The following INTS6L variants were observed in gnomAD, a reference collection of about 807,000 sequenced individuals.
INTS6L encodes the protein integrator complex subunit 6 like.
In INTS6L, 18 loss-of-function variants were observed where a neutral mutation model predicts 64.7. The ratio of observed to expected loss-of-function variants is 0.28; its 90% CI spans 0.19 to 0.41. The LOEUF (loss-of-function observed/expected upper bound fraction) is 0.41, where lower values mean the gene tolerates loss of function less well. Among genes scored for constraint, INTS6L ranks in the 10% least tolerant of loss-of-function variants. The probability of loss-of-function intolerance (pLI) is 1.00; values close to 1 mark genes in which losing one functional copy is unlikely to be tolerated. For missense variants in INTS6L, 533 were observed against 661.0 expected, an observed-to-expected ratio of 0.81 and a Z score of 2.12; for synonymous variants, 227 against 235.9, an observed-to-expected ratio of 0.96 and a Z score of 0.34.
chrX:135,562,352 G>GA (rs1299460219), intron 9 of INTS6L, among the ~76,000 whole-genome samples: 1 of 111,926 alleles, frequency 8.9e-6, no homozygotes, highest in African/African-American at 3.2e-5. Context: ...ATTCCATCGT[G>GA]GTCAGAGGAC....
chrX:135,574,160 G>T, intron 13 of INTS6L, 98 bp downstream of exon 13: 2 of 886,183 alleles, frequency 2.3e-6, no homozygotes, highest in Non-Finnish European at 3.0e-6. Context: ...CTATTTTATA[G>T]TATTTTAATG....
intron 2 of INTS6L, among the ~76,000 whole-genome samples, chrX:135,542,252 C>G (rs1339588953): frequency 8.9e-6 from 1 of 111,808 alleles, no homozygotes; most frequent in African/African-American, 3.3e-5. Flanking sequence ...AATCACAGCA[C>G]TTTAGGAGGC....
At chrX:135,533,102 AAAAAAC>A (rs2085952143) in intron 2 of INTS6L, among the ~76,000 whole-genome samples, 1 of 106,871 alleles carries the variant, frequency 9.4e-6, no homozygotes, top group African/African-American at 3.6e-5. Context: ...AACAAAAACA[AAAAAAC>A]AACTTTTAAA....
intron 9 of INTS6L, among the ~76,000 whole-genome samples, chrX:135,564,748 A>G (rs2086892154): frequency 1.0e-5 from 1 of 95,418 alleles, no homozygotes; most frequent in Admixed American, 1.1e-4. Context: ...AAAAAAAATT[A>G]ATTTTGAGAT....
intron 9 of INTS6L, among the ~76,000 whole-genome samples, chrX:135,558,488 A>G (rs1439786094): frequency 1.8e-5 from 2 of 112,232 alleles, no homozygotes; most frequent in East Asian, 2.8e-4. Flanking sequence ...ATGCTACAAT[A>G]TGGATGAACC....
Position 135,581,911 on chromosome X carries a change from C to G in INTS6L, c.*275C>G. The stretch of plus-strand genomic sequence containing the variant: ...GCTAAATTCGGTAAACACCACTGCC[C>G]CTACCACGGGTAATGAGAGGTCACT... On this transcript the variant is annotated 3_prime_UTR_variant, in exon 18 of 18. Coordinates refer to ENST00000639893, the MANE Select transcript of INTS6L (RefSeq NM_001351601.3). 1 of 246,997 alleles carries G rather than the reference C, an allele frequency of 4.0e-6. No individual in the cohort carries two copies. The highest frequency in any genetic ancestry group is 1.0e-4 in the East Asian group (1 of 9,577). The allele number at this position is 246,997 out of a possible 1,213,427, so 20.4% of individuals were successfully genotyped here. A position where few individuals can be genotyped will look rare whatever the true frequency, so the allele number is the denominator to read the frequency against.
chrX:135,545,709 A>T (rs1473951895), intron 3 of INTS6L, 137 bp downstream of exon 3: 1 of 613,124 alleles, frequency 1.6e-6, no homozygotes, highest in East Asian at 3.9e-5. Context: ...TTTTAAATAT[A>T]TACTTTTTAA....
chrX:135,569,518 T>TG, intron 10 of INTS6L, 87 bp downstream of exon 10: 1 of 526,092 alleles, frequency 1.9e-6, no homozygotes, highest in Admixed American at 4.1e-5. Flanking sequence ...CTTTTACTGT[T>TG]GCAATAAGAG....
At position 135,581,676 on chromosome X, in the gene INTS6L, C is replaced by A; in HGVS notation, c.*40C>A. The A allele has an allele frequency of 9.2e-7, 1 of 1,088,006 alleles. No homozygotes were observed. Among genetic ancestry groups the A allele is most frequent in the Non-Finnish European group, 1.3e-6 (1 of 785,663 alleles). 89.7% of individuals were successfully genotyped at this position (1,088,006 alleles called of 1,213,427 possible). A position where few individuals can be genotyped will look rare whatever the true frequency, so the allele number is the denominator to read the frequency against. ...AGAAAAAAATGACAAGTTTTCTGTG[C>A]TGTAGGATGGAACAGGATATTGTTG... On this transcript the variant is annotated 3_prime_UTR_variant, in exon 18 of 18. Coordinates refer to ENST00000639893, the MANE Select transcript of INTS6L (RefSeq NM_001351601.3).
intron 2 of INTS6L, among the ~76,000 whole-genome samples, chrX:135,544,290 C>T (rs1340074682): frequency 8.9e-6 from 1 of 112,101 alleles, no homozygotes; most frequent in Non-Finnish European, 1.9e-5. Context: ...AATAACCTGC[C>T]CCCTTTCTTA....
chrX:135,521,191 C>T (rs2085531279), intron 1 of INTS6L, 50 bp from the exon 2 acceptor site: 2 of 1,180,830 alleles, frequency 1.7e-6, no homozygotes, highest in African/African-American at 1.8e-5. Context: ...TTGTATCGCC[C>T]TCCCCCCTCC....
chrX:135,573,368 A>G (rs782786429), intron 12 of INTS6L, among the ~76,000 whole-genome samples: 71 of 112,522 alleles, frequency 6.3e-4, no homozygotes, highest in African/African-American at 2.1e-3. Flanking sequence ...GCTTGGAGAA[A>G]GTCTTGGCCA....
In INTS6L at chrX:135,545,509, A is replaced by G; in HGVS notation, c.276A>G (p.Leu92=). 2 of 1,210,713 alleles carry G rather than the reference A, an allele frequency of 1.7e-6. No individual in the cohort carries two copies. The highest frequency in any genetic ancestry group is 1.1e-6 in the Non-Finnish European group (1 of 894,901). Residue 92 remains leucine, a synonymous_variant, in exon 3 of 18, where the codon CTA becomes CTG. Transcript: ENST00000639893. ...ASGLTTLGQA[L]RSSFDLLNLN... ...GACTGACTACTCTCGGTCAGGCTCT[A>G]AGATCCTCATTTGATTTGTTAAATC...
At chrX:135,545,817 A>C (rs1334032797) in intron 3 of INTS6L, among the ~76,000 whole-genome samples, 2 of 112,247 alleles carry the variant, frequency 1.8e-5, no homozygotes, top group Non-Finnish European at 3.8e-5. Flanking sequence ...GATGTGAATA[A>C]ACGGCTGAGA....
intron 1 of INTS6L, 51 bp downstream of exon 1, chrX:135,521,154 G>A (rs782474025): frequency 8.4e-7 from 1 of 1,183,598 alleles, no homozygotes. Context: ...GGATTTCAGG[G>A]TGTGGATTGA....
At chrX:135,536,446 C>T (rs1186081898) in intron 2 of INTS6L, among the ~76,000 whole-genome samples, 2 of 111,677 alleles carry the variant, frequency 1.8e-5, no homozygotes, top group East Asian at 5.6e-4. Flanking sequence ...GTACATTATA[C>T]TGTGTTATAA....
chrX:135,521,230 T>C lies in INTS6L; in HGVS notation c.112-11T>C, dbSNP rs1556496514. The C allele has an allele frequency of 8.3e-7, 1 of 1,206,099 alleles. No homozygotes were observed. The highest frequency in any genetic ancestry group is 1.8e-5 in the South Asian group (1 of 56,177). On this transcript the variant is annotated splice_polypyrimidine_tract_variant and intron_variant, in intron 1 of 17. Transcript: ENST00000639893. The stretch of plus-strand genomic sequence containing the variant: ...CCTACGCGACCCCCTCCGTCATCCC[T>C]TGCCCCGCAGCTGCGCGCCCGGGAC...
intron 9 of INTS6L, among the ~76,000 whole-genome samples, chrX:135,565,290 T>A (rs2086914741): frequency 8.9e-6 from 1 of 112,043 alleles, no homozygotes; most frequent in Non-Finnish European, 1.9e-5. Context: ...TCCTCTCATC[T>A]TTGCCTTTGC....
intron 7 of INTS6L, 135 bp downstream of exon 7, chrX:135,549,940 T>A (rs781869380): frequency 1.6e-6 from 1 of 639,691 alleles, no homozygotes; most frequent in East Asian, 3.5e-5. Context: ...TTGCCTTCTA[T>A]CTCTTACTGG....
Sources: gnomAD v4.1 joint callset for allele counts (sites outside exome capture counted in the v4.1 genomes callset) on GRCh38, gnomAD v4.1.1 for gene constraint, MANE v1.5 for transcripts, NCBI Gene and HGNC (gene_info 2026-07-23, HGNC 2026-07-21) for gene names.